SRPX: variants seen among roughly 807,000 people sequenced by gnomAD.
SRPX encodes sushi repeat-containing protein SRPX.
In SRPX, 24 loss-of-function variants were observed where a neutral mutation model predicts 38.1. That is an observed-to-expected ratio of 0.63 (90% CI 0.46 to 0.89). The LOEUF (loss-of-function observed/expected upper bound fraction) is 0.89. Among genes scored for constraint, SRPX ranks in the 40% least tolerant of loss-of-function variants. SRPX has a pLI of 0.00. For missense variants in SRPX, 416 were observed against 377.8 expected (o/e 1.10, Z -0.84); for synonymous variants, 184 against 153.8 (o/e 1.20, Z -1.45).
At chrX:38,151,293 T>G (rs528414983) in intron 9 of SRPX, among the ~76,000 whole-genome samples, 1 of 111,878 alleles carries the variant, frequency 8.9e-6, no homozygotes, top group South Asian at 3.8e-4. Flanking sequence ...AACACGCGAA[T>G]GTAGGCTGCA....
At chrX:38,196,534 T>A (rs1047913125) in intron 1 of SRPX, among the ~76,000 whole-genome samples, 1 of 112,407 alleles carries the variant, frequency 8.9e-6, no homozygotes, top group African/African-American at 3.2e-5. Flanking sequence ...GGAGATATGC[T>A]ATAGGGCTCT....
At chrX:38,183,843 C>T (rs966519151) in intron 1 of SRPX, among the ~76,000 whole-genome samples, 3 of 111,950 alleles carry the variant, frequency 2.7e-5, no homozygotes, top group African/African-American at 9.7e-5. Flanking sequence ...AAATCAGAAA[C>T]TCAGAGCCAT....
intron 8 of SRPX, among the ~76,000 whole-genome samples, chrX:38,155,311 C>T (rs773093379): frequency 4.5e-5 from 5 of 112,343 alleles, no homozygotes; most frequent in Non-Finnish European, 7.5e-5. Flanking sequence ...GTATTACTCT[C>T]ACTGAAATGC....
chrX:38,197,973 T>C (rs773666125), intron 1 of SRPX, among the ~76,000 whole-genome samples: 2 of 112,037 alleles, frequency 1.8e-5, no homozygotes, highest in African/African-American at 6.5e-5. Flanking sequence ...GGCCGAAGGA[T>C]GCTGGCAAGA....
intron 1 of SRPX, among the ~76,000 whole-genome samples, chrX:38,211,598 G>T (rs1939323166): frequency 9.0e-6 from 1 of 110,884 alleles, no homozygotes; most frequent in African/African-American, 3.3e-5. Flanking sequence ...TACTCGGGAG[G>T]CTGAGGCAGG....
intron 2 of SRPX, among the ~76,000 whole-genome samples, chrX:38,176,061 G>T (rs915705880): frequency 4.5e-5 from 5 of 111,056 alleles, no homozygotes; most frequent in African/African-American, 1.6e-4. Context: ...TTATAAATTA[G>T]GCATGATAAA....
intron 1 of SRPX, among the ~76,000 whole-genome samples, chrX:38,193,744 C>G (rs778596601): frequency 5.4e-5 from 6 of 111,889 alleles, no homozygotes; most frequent in African/African-American, 1.6e-4. Flanking sequence ...CATCAAATTA[C>G]AGATTGCTCT....
chrX:38,202,842 T>G (rs932819592), intron 1 of SRPX, among the ~76,000 whole-genome samples: 1 of 112,396 alleles, frequency 8.9e-6, no homozygotes, highest in Non-Finnish European at 1.9e-5. Flanking sequence ...CACTGGTGAA[T>G]TCTATCAAAT....
At chrX:38,180,435 G>A (rs1420318147) in intron 1 of SRPX, among the ~76,000 whole-genome samples, 1 of 111,133 alleles carries the variant, frequency 9.0e-6, no homozygotes, top group Non-Finnish European at 1.9e-5. Flanking sequence ...TATTTTCCTG[G>A]GCCATCTCAC....
intron 9 of SRPX, among the ~76,000 whole-genome samples, chrX:38,153,312 T>A (rs1160208422): frequency 5.1e-5 from 5 of 97,685 alleles, no homozygotes; most frequent in African/African-American, 1.9e-4. Flanking sequence ...CTTTTTTTTT[T>A]TTTTTTTTTT....
intron 1 of SRPX, among the ~76,000 whole-genome samples, chrX:38,198,217 T>A (rs936865995): frequency 5.4e-5 from 6 of 111,644 alleles, no homozygotes; most frequent in Non-Finnish European, 9.4e-5. Flanking sequence ...GAGTGATGAA[T>A]GCTCACAAAA....
At chrX:38,156,845 C>T (rs1401345305) in intron 8 of SRPX, 51 bp downstream of exon 8, 19 of 1,177,220 alleles carry the variant, frequency 1.6e-5, no homozygotes, top group Non-Finnish European at 2.0e-5. Context: ...ATGGCTGGGC[C>T]CTTCCTGTTA....
chrX:38,175,736 A>G (rs1214890171), intron 2 of SRPX, among the ~76,000 whole-genome samples: 3 of 111,452 alleles, frequency 2.7e-5, no homozygotes, highest in Non-Finnish European at 5.6e-5. Flanking sequence ...GTGAGCCCTA[A>G]ACTCAAGACT....
chrX:38,188,677 A>G (rs1569210941), intron 1 of SRPX, among the ~76,000 whole-genome samples: 1 of 111,513 alleles, frequency 9.0e-6, no homozygotes, highest in African/African-American at 3.3e-5. Context: ...GTTTTGAAAT[A>G]CGTATCCATT....
intron 1 of SRPX, among the ~76,000 whole-genome samples, chrX:38,194,273 T>A (rs1305443229): frequency 9.0e-6 from 1 of 111,279 alleles, no homozygotes; most frequent in African/African-American, 3.3e-5. Context: ...AATAACCATA[T>A]TATTATTACT....
rs1938984756 is a variant in SRPX, at chrX:38,195,540, T to C, written c.98-17196A>G. Among the ~76,000 whole-genome samples the C allele has an allele frequency of 2.7e-5, 3 of 111,600 alleles. No homozygotes were observed. In the South Asian group the frequency reaches 1.1e-3, roughly 42 times the overall value. ...TCATTTGTTTGCAATGATAAGAACA[T>C]GTTTATCCAAGAAGTTCTTAAAAAT... On this transcript the variant is annotated intron_variant, in intron 1 of 9. Transcript: ENST00000378533.
intron 1 of SRPX, among the ~76,000 whole-genome samples, chrX:38,218,220 C>T (rs1435048493): frequency 8.9e-6 from 1 of 112,366 alleles, no homozygotes; most frequent in African/African-American, 3.2e-5. Context: ...TCTTAGAGGC[C>T]ATGGTACTCA....
At position 38,184,594 on chromosome X, in the gene SRPX, C is replaced by T. The variant is rs776677979; in HGVS notation, c.98-6250G>A. 1.1e-4 allele frequency among the ~76,000 whole-genome samples: 12 copies of T among 111,618 alleles called. No individual in the cohort carries two copies. The East Asian group carries it at 3.4e-3, about 31-fold the overall frequency. The stretch of plus-strand genomic sequence containing the variant: ...TGTTTTTTGGTACATGCTTTTGATA[C>T]ATGCCTTTTGGTACTAGCATGCTTT... On this transcript the variant is annotated intron_variant, in intron 1 of 9. Transcript: ENST00000378533.
rs1438910306 is a variant in SRPX, at chrX:38,167,491, C to A, written c.527-2596G>T. ...TAAGCCTGTTATTACCCAGACTTGG[C>A]CCCGATAGCATTTTATAAGTTATAC... On this transcript the variant is annotated intron_variant, in intron 4 of 9. Transcript: ENST00000378533. Among the ~76,000 whole-genome samples the A allele has an allele frequency of 2.7e-5, 3 of 111,389 alleles. No homozygotes were observed. The East Asian group carries it at 8.5e-4, about 31-fold the overall frequency.
Sources: gnomAD v4.1 joint callset for allele counts (sites outside exome capture counted in the v4.1 genomes callset) on GRCh38, gnomAD v4.1.1 for gene constraint, MANE v1.5 for transcripts, NCBI Gene and HGNC (gene_info 2026-07-23, HGNC 2026-07-21) for gene names.